The following MYO16 variants were observed in gnomAD, a reference collection of about 807,000 sequenced individuals.
The protein encoded by MYO16 is unconventional myosin-XVI.
Under a neutral mutation model 205.3 loss-of-function variants are expected in MYO16, and 94 were observed. The ratio of observed to expected loss-of-function variants is 0.46; its 90% CI spans 0.39 to 0.54. The LOEUF (loss-of-function observed/expected upper bound fraction) is 0.54. Among genes scored for constraint, MYO16 ranks in the 20% least tolerant of loss-of-function variants. The pLI is 0.00. For missense variants in MYO16, 2,315 were observed against 2,387.5 expected (o/e 0.97, Z 0.63); for synonymous variants, 988 against 954.0 (o/e 1.04, Z -0.66).
At chr13:108,811,397 C>G (rs1887286721) in intron 7 of MYO16, among the ~76,000 whole-genome samples, 1 of 152,074 alleles carries the variant, frequency 6.6e-6, no homozygotes, top group Non-Finnish European at 1.5e-5. Flanking sequence ...TTTGCCATGT[C>G]TTTGAGAAAT....
chr13:109,105,344 C>T (rs924886983), intron 28 of MYO16, among the ~76,000 whole-genome samples: 19 of 152,072 alleles, frequency 1.2e-4, no homozygotes, highest in African/African-American at 3.9e-4. Flanking sequence ...TGGTCGTGGG[C>T]GCCTGTAATT....
intron 28 of MYO16, among the ~76,000 whole-genome samples, chr13:109,114,461 A>C (rs1299757147): frequency 6.6e-6 from 1 of 152,202 alleles, no homozygotes; most frequent in African/African-American, 2.4e-5. Context: ...GACTGTGTGA[A>C]TGTCATACGT....
intron 18 of MYO16, 109 bp downstream of exon 18, chr13:108,961,765 C>G (rs1883593103): frequency 2.4e-6 from 2 of 826,986 alleles, no homozygotes; most frequent in African/African-American, 3.4e-5. Flanking sequence ...AAACCCTTTC[C>G]TCTATAGTAG....
chr13:108,659,459 C>A, intron 1 of MYO16: 2 of 340,224 alleles, frequency 5.9e-6, no homozygotes, highest in South Asian at 2.3e-5. Context: ...TGGCCATAAA[C>A]TTTTATCTGG....
At chr13:108,555,909 C>T in the MYO16 span, among the ~76,000 whole-genome samples, 3 of 152,112 alleles carry the variant, frequency 2.0e-5, no homozygotes, top group Admixed American at 2.0e-4. Flanking sequence ...TCATTCATGT[C>T]GTTGCAAATG....
intron 1 of MYO16, among the ~76,000 whole-genome samples, chr13:108,656,069 T>G (rs1051667382): frequency 6.6e-6 from 1 of 152,104 alleles, no homozygotes; most frequent in Non-Finnish European, 1.5e-5. Context: ...TGATTTGTTT[T>G]GAAATGTGAG....
At chr13:108,606,414 G>A (rs148706396) in intron 1 of MYO16, among the ~76,000 whole-genome samples, 2 of 152,284 alleles carry the variant, frequency 1.3e-5, no homozygotes, top group Non-Finnish European at 2.9e-5. Flanking sequence ...ATGGCACTAG[G>A]TGTCCCAGCT....
At chr13:108,628,656 TC>T (rs1879840062), upstream of MYO16, among the ~76,000 whole-genome samples, 2 of 152,196 alleles carry the variant, frequency 1.3e-5, no homozygotes. Context: ...AATGTAATAG[TC>T]ATGACCCCTT....
intron 4 of MYO16, among the ~76,000 whole-genome samples, chr13:108,745,247 T>A (rs767332293): frequency 1.3e-5 from 2 of 152,144 alleles, no homozygotes; most frequent in African/African-American, 2.4e-5. Context: ...AATGGCAATG[T>A]GTTGACTTGC....
At chr13:108,661,558 A>C (rs1881502432) in intron 1 of MYO16, among the ~76,000 whole-genome samples, 2 of 152,094 alleles carry the variant, frequency 1.3e-5, no homozygotes, top group East Asian at 3.9e-4. Flanking sequence ...TCTTTCTTCT[A>C]CTTGTTCACT....
the MYO16 span, among the ~76,000 whole-genome samples, chr13:108,540,016 C>G: frequency 6.6e-6 from 1 of 152,016 alleles, no homozygotes; most frequent in Non-Finnish European, 1.5e-5. Context: ...CAATGTTTGT[C>G]ACTAAAATTA....
intron 23 of MYO16, among the ~76,000 whole-genome samples, chr13:109,025,271 T>C (rs1179848427): frequency 6.6e-6 from 1 of 152,184 alleles, no homozygotes; most frequent in Admixed American, 6.5e-5. Flanking sequence ...TCCTGAAAGC[T>C]CTGACCAGGA....
chr13:109,070,624 A>G (rs900051304), intron 27 of MYO16, among the ~76,000 whole-genome samples: 2 of 152,202 alleles, frequency 1.3e-5, no homozygotes, highest in African/African-American at 2.4e-5. Flanking sequence ...TGGGTTAATA[A>G]TAGTCTTTCT....
the MYO16 span, among the ~76,000 whole-genome samples, chr13:108,555,667 T>A: frequency 6.6e-6 from 1 of 152,240 alleles, no homozygotes; most frequent in African/African-American, 2.4e-5. Flanking sequence ...GTAATTACCA[T>A]GTTGTGTAAT....
At position 108,853,954 on chromosome 13, in the gene MYO16, T is replaced by TTGTGTGTGTGTGTGTG. The variant is rs5806760; in HGVS notation, c.1249-1471_1249-1456dup. On this transcript the variant is annotated intron_variant, in intron 10 of 34. Coordinates refer to ENST00000457511, the MANE Select transcript of MYO16 (RefSeq NM_001198950.3). Reference sequence around the variant, plus strand: ...CACTACTCAATTTGTGTTTCTATTATTGTGTGTGTGTGTGTGTGTGTGTGT... The same window carrying TTGTGTGTGTGTGTGTG: ...CACTACTCAATTTGTGTTTCTATTATTGTGTGTGTGTGTGTGTGTGTGTGTGTGTGTGTGTGTGTGT... Among the ~76,000 whole-genome samples the TTGTGTGTGTGTGTGTG allele has an allele frequency of 7.7e-3, 1,066 of 138,566 alleles. 13 individuals are homozygous for TTGTGTGTGTGTGTGTG. Among genetic ancestry groups the TTGTGTGTGTGTGTGTG allele is most frequent in the East Asian group, 0.025 (113 of 4,514 alleles). 90.9% of individuals were successfully genotyped at this position (138,566 alleles called of 152,430 possible). A position where few individuals can be genotyped will look rare whatever the true frequency, so the allele number is the denominator to read the frequency against.
chr13:109,147,859 G>A (rs1460301531), intron 32 of MYO16, among the ~76,000 whole-genome samples: 2 of 152,126 alleles, frequency 1.3e-5, no homozygotes, highest in Non-Finnish European at 2.9e-5. Flanking sequence ...TTCCAAACGA[G>A]TAAGTCCTTT....
chr13:108,576,579 T>A, the MYO16 span, among the ~76,000 whole-genome samples: 1 of 152,234 alleles, frequency 6.6e-6, no homozygotes, highest in Non-Finnish European at 1.5e-5. Flanking sequence ...CTAATTCTTT[T>A]TCATTTTGAA....
the MYO16 span, among the ~76,000 whole-genome samples, chr13:108,516,703 G>A: frequency 2.0e-5 from 3 of 152,016 alleles, no homozygotes; most frequent in Non-Finnish European, 2.9e-5. Flanking sequence ...GCTTTTCTCT[G>A]TTGTTTTGTC....
chr13:108,972,205 G>GTCTCTCTCTCTCTCTTTCTC (rs1884043734), intron 20 of MYO16, among the ~76,000 whole-genome samples: 1 of 11,138 alleles, frequency 9.0e-5, no homozygotes, highest in African/African-American at 4.1e-4. Context: ...CTGAGACCCT[G>GTCTCTCTCTCTCTCTTTCTC]TCTCTCTCTC....
Sources: allele counts gnomAD v4.1 joint callset (sites outside exome capture counted in the v4.1 genomes callset), GRCh38; gene constraint gnomAD v4.1.1; transcripts MANE v1.5; gene names NCBI Gene and HGNC (gene_info 2026-07-23, HGNC 2026-07-21).